RHOBTB1: variants seen among roughly 807,000 people sequenced by gnomAD.
RHOBTB1 encodes rho-related BTB domain-containing protein 1.
In RHOBTB1, 40 loss-of-function variants were observed where a neutral mutation model predicts 71.6. The observed-to-expected ratio is 0.56, with a 90% CI of 0.43 to 0.73. The LOEUF is 0.73. Ranked by LOEUF, RHOBTB1 falls within the 30% of genes least tolerant of loss-of-function variation. The pLI, the probability that RHOBTB1 is intolerant of heterozygous loss-of-function variation, is 0.00. For missense variants in RHOBTB1, 797 were observed against 894.0 expected, an observed-to-expected ratio of 0.89 and a Z score of 1.38; for synonymous variants, 319 against 334.9, an observed-to-expected ratio of 0.95 and a Z score of 0.52.
chr10:60,891,059 C>G (rs181395184), intron 5 of RHOBTB1, among the ~76,000 whole-genome samples: 372 of 152,316 alleles, frequency 2.4e-3, no homozygotes, highest in African/African-American at 8.6e-3. Flanking sequence ...GAGGCCAGGA[C>G]AGTCTCTCAT....
At chr10:60,923,396 C>A (rs1306011746) in intron 2 of RHOBTB1, among the ~76,000 whole-genome samples, 1 of 151,988 alleles carries the variant, frequency 6.6e-6, no homozygotes, top group Non-Finnish European at 1.5e-5. Context: ...AGATAAAGAC[C>A]AAGTACAAAT....
chr10:60,910,022 C>T (rs1472057734), intron 4 of RHOBTB1, among the ~76,000 whole-genome samples: 1 of 152,148 alleles, frequency 6.6e-6, no homozygotes, highest in Admixed American at 6.5e-5. Flanking sequence ...AATTCACGTG[C>T]TTGGAGTACC....
In RHOBTB1 at chr10:60,888,744, T is replaced by C; in HGVS notation, c.924A>G (p.Glu308=). 2 of 1,614,188 alleles carry C rather than the reference T, an allele frequency of 1.2e-6. No individual in the cohort carries two copies. The highest frequency in any genetic ancestry group is 1.1e-5 in the South Asian group (1 of 91,082). Residue 308 remains glutamate (E), a synonymous_variant, in exon 6 of 11, where the codon GAA becomes GAG. Transcript: ENST00000337910. ...TCTGCTTCTCTTTCTCACAGGCTCCTTCACTCCCATTTGGGGATTCTTCAC... is the reference window on the plus strand; with the variant it reads ...TCTGCTTCTCTTTCTCACAGGCTCCCTCACTCCCATTTGGGGATTCTTCAC... ...MECEESPNGS[E]GACEKEKQSR...
intron 2 of RHOBTB1, among the ~76,000 whole-genome samples, chr10:60,970,201 A>C (rs929413466): frequency 6.6e-6 from 1 of 152,136 alleles, no homozygotes; most frequent in African/African-American, 2.4e-5. Context: ...CTATAATTAA[A>C]AAAATTGGTT....
chr10:60,877,756 A>G, intron 8 of RHOBTB1, 152 bp downstream of exon 8: 1 of 770,724 alleles, frequency 1.3e-6, no homozygotes, highest in Non-Finnish European at 2.0e-6. Flanking sequence ...GGGCTGTCTG[A>G]TGCAATTTGA....
At chr10:60,920,961 T>G (rs1490679260) in intron 2 of RHOBTB1, among the ~76,000 whole-genome samples, 2 of 151,668 alleles carry the variant, frequency 1.3e-5, no homozygotes, top group African/African-American at 2.4e-5. Context: ...TTTTGTTTTT[T>G]TTTTTTTATG....
chr10:60,929,068 C>T (rs2084070292), intron 2 of RHOBTB1, among the ~76,000 whole-genome samples: 1 of 152,038 alleles, frequency 6.6e-6, no homozygotes, highest in Admixed American at 6.6e-5. Flanking sequence ...AATCAGATCT[C>T]CTGAGAACTC....
rs935844025 is a variant in RHOBTB1, at chr10:60,920,882, C to T, written c.-10-9330G>A. ...TTGCTATCCAGGGTGGTCTTGAACT[C>T]CTGAGCTCAAGCGATCCTCCCACCT... On this transcript the variant is annotated intron_variant, in intron 2 of 10. Coordinates refer to ENST00000337910, the MANE Select transcript of RHOBTB1 (RefSeq NM_014836.5). Among the ~76,000 whole-genome samples, 6 of 151,616 alleles carry T rather than the reference C, an allele frequency of 4.0e-5. No individual in the cohort carries two copies. In the East Asian group the frequency reaches 9.7e-4, roughly 25 times the overall value.
chr10:60,990,651 C>T (rs1446887950), intron 1 of RHOBTB1, among the ~76,000 whole-genome samples: 3 of 152,140 alleles, frequency 2.0e-5, no homozygotes, highest in African/African-American at 7.2e-5. Flanking sequence ...CCCAGGAATC[C>T]CTGCATTTCC....
intron 8 of RHOBTB1, among the ~76,000 whole-genome samples, chr10:60,875,488 T>G (rs190162717): frequency 1.5e-3 from 234 of 152,350 alleles, no homozygotes; most frequent in Admixed American, 3.5e-3. Context: ...AAAGTTCTAC[T>G]GGATGGAGTG....
rs1468993343 is a variant in RHOBTB1 at position 60,891,386 on chromosome 10, G to T, written c.482+1424C>A. 3.8e-5 allele frequency among the ~76,000 whole-genome samples: 5 copies of T among 131,920 alleles called. No individual in the cohort carries two copies. The Admixed American group carries it at 4.4e-4, about 12-fold the overall frequency. The allele number at this position is 131,920 out of a possible 152,430, so 86.5% of individuals were successfully genotyped here. On this transcript the variant is annotated intron_variant, in intron 5 of 10. Coordinates refer to ENST00000337910, the MANE Select transcript of RHOBTB1 (RefSeq NM_014836.5). ...GACAGGGTCTTGCTCTGTCACCTAG[G>T]CTGGAGTGAAGTGGTGCAATCATGG...
At chr10:60,925,879 T>C (rs904219589) in intron 2 of RHOBTB1, among the ~76,000 whole-genome samples, 1 of 152,102 alleles carries the variant, frequency 6.6e-6, no homozygotes, top group African/African-American at 2.4e-5. Flanking sequence ...AAAATCTGAA[T>C]AGACCAATAG....
intron 2 of RHOBTB1, among the ~76,000 whole-genome samples, chr10:60,983,824 G>A (rs1043704247): frequency 6.6e-6 from 1 of 152,198 alleles, no homozygotes; most frequent in Non-Finnish European, 1.5e-5. Context: ...ACCCTGCAGA[G>A]CTTCCCGGCC....
chr10:60,872,150 A>G, intron 10 of RHOBTB1, 35 bp downstream of exon 10: 1 of 1,435,870 alleles, frequency 7.0e-7, no homozygotes, highest in African/African-American at 1.4e-5. Context: ...AGAGGTGAGG[A>G]GAGCTGGATG....
At chr10:60,863,349 GT>G in the RHOBTB1 span, among the ~76,000 whole-genome samples, 60 of 150,680 alleles carry the variant, frequency 4.0e-4, no homozygotes, top group African/African-American at 1.1e-3. Context: ...TCTTTAAATT[GT>G]TTTTTTTTGT....
intron 9 of RHOBTB1, among the ~76,000 whole-genome samples, chr10:60,873,300 CAT>C (rs1157693308): frequency 6.6e-6 from 1 of 152,176 alleles, no homozygotes; most frequent in Non-Finnish European, 1.5e-5. Flanking sequence ...TTAGTGACTT[CAT>C]ATGTTATCAT....
At chr10:60,970,239 T>C (rs1362647127) in intron 2 of RHOBTB1, among the ~76,000 whole-genome samples, 1 of 152,094 alleles carries the variant, frequency 6.6e-6, no homozygotes, top group Non-Finnish European at 1.5e-5. Context: ...TATTCCAATT[T>C]TGCTTATTAT....
intron 1 of RHOBTB1, among the ~76,000 whole-genome samples, chr10:60,997,041 C>T (rs1405392707): frequency 6.7e-6 from 1 of 148,990 alleles, no homozygotes; most frequent in East Asian, 2.0e-4. Flanking sequence ...AATATCAAGT[C>T]TAGTAGCCAC....
rs3049595 is a variant in RHOBTB1 at position 60,932,513 on chromosome 10, T to TAAAAA, written c.-11+9286_-11+9290dup. Among the ~76,000 whole-genome samples, 232 of 107,896 alleles carry TAAAAA rather than the reference T, an allele frequency of 2.2e-3. 5 individuals carry two copies. The highest frequency in any genetic ancestry group is 4.7e-3 in the Middle Eastern group (1 of 214). 70.8% of individuals were successfully genotyped at this position (107,896 alleles called of 152,430 possible). ...GTTATACTTCAATACTTTCTTAAAG[T>TAAAAA]AAAAAAAAAAAAAAAAAAAGACAGA... is the stretch of plus-strand genomic sequence containing the variant. On this transcript the variant is annotated intron_variant, in intron 2 of 10. Transcript: ENST00000337910.
Sources: allele counts gnomAD v4.1 joint callset (sites outside exome capture counted in the v4.1 genomes callset), GRCh38; gene constraint gnomAD v4.1.1; transcripts MANE v1.5; gene names NCBI Gene and HGNC (gene_info 2026-07-23, HGNC 2026-07-21).